Variants in INSC observed in about 807,000 individuals in gnomAD.
INSC encodes the protein protein inscuteable homolog.
Under a neutral mutation model 58.6 loss-of-function variants are expected in INSC, and 67 were observed. That is an observed-to-expected ratio of 1.14 (90% CI 0.94 to 1.40). The LOEUF is 1.40. Among genes scored for constraint, INSC ranks in the 40% most tolerant of loss-of-function variants. The pLI, the probability that INSC is intolerant of heterozygous loss-of-function variation, is 0.00. For missense variants in INSC, 714 were observed against 692.0 expected (o/e 1.03, Z -0.36); for synonymous variants, 262 against 276.1 (o/e 0.95, Z 0.51).
chr11:15,224,157 G>C (rs1851546148), intron 8 of INSC, among the ~76,000 whole-genome samples: 1 of 152,124 alleles, frequency 6.6e-6, no homozygotes, highest in South Asian at 2.1e-4. Flanking sequence ...ATTGTTGTAA[G>C]GATTAAATTA....
At chr11:15,223,886 G>A (rs1851536522) in intron 8 of INSC, among the ~76,000 whole-genome samples, 1 of 152,212 alleles carries the variant, frequency 6.6e-6, no homozygotes, top group African/African-American at 2.4e-5. Flanking sequence ...CTGGGCTGTG[G>A]GGAGCAACAT....
chr11:15,137,918 A>G (rs140838409), intron 1 of INSC, among the ~76,000 whole-genome samples: 47 of 152,204 alleles, frequency 3.1e-4, no homozygotes, highest in Non-Finnish European at 1.9e-4. Context: ...GGCTTTTGAC[A>G]TGCTGTCCTC....
intron 1 of INSC, 79 bp from the exon 2 acceptor site, chr11:15,149,051 G>A: frequency 6.9e-7 from 1 of 1,450,276 alleles, no homozygotes; most frequent in Non-Finnish European, 9.1e-7. Context: ...TTGGTTCCTT[G>A]TGGCCTGGGA....
chr11:15,155,930 G>A (rs970369701), intron 2 of INSC, among the ~76,000 whole-genome samples: 1 of 152,140 alleles, frequency 6.6e-6, no homozygotes, highest in Non-Finnish European at 1.5e-5. Flanking sequence ...TGGGAAAATT[G>A]TTCTCTTTGG....
At chr11:15,113,993 T>G (rs1252444876), upstream of INSC, among the ~76,000 whole-genome samples, 2 of 152,030 alleles carry the variant, frequency 1.3e-5, no homozygotes, top group Non-Finnish European at 2.9e-5. Context: ...AGGAGATCTT[T>G]CTGTCAGTAA....
rs747676220 is a variant in INSC at position 15,149,184 on chromosome 11, C to T, written c.10C>T (p.Leu4=). The change falls in exon 2 of 13, where the codon CTG becomes TTG. Residue 4 remains leucine (L), a synonymous_variant. Coordinates refer to ENST00000379556, the MANE Select transcript of INSC (RefSeq NM_001042536.3). The part of the protein sequence containing the change: MMA[L]PGGRHLDSVT... The stretch of plus-strand genomic sequence containing the variant: ...GCAGATTGGGATCAACATGATGGCA[C>T]TGCCTGGAGGTCGCCACCTGGACTC... 5 of 1,611,270 alleles carry T rather than the reference C, an allele frequency of 3.1e-6. No homozygotes were observed. The highest frequency in any genetic ancestry group is 4.2e-6 in the Non-Finnish European group (5 of 1,178,874).
intron 2 of INSC, among the ~76,000 whole-genome samples, chr11:15,162,829 G>A (rs1388569586): frequency 6.6e-6 from 1 of 152,204 alleles, no homozygotes; most frequent in East Asian, 1.9e-4. Flanking sequence ...AAAGTTCTAT[G>A]AGAGGGCAGT....
At chr11:15,133,212 G>T (rs1162074123) in intron 1 of INSC, among the ~76,000 whole-genome samples, 1 of 151,940 alleles carries the variant, frequency 6.6e-6, no homozygotes, top group Admixed American at 6.6e-5. Flanking sequence ...TTGTCTCTCT[G>T]GACTGCGTCT....
At chr11:15,238,396 A>G (rs904299139) in intron 10 of INSC, among the ~76,000 whole-genome samples, 2 of 152,206 alleles carry the variant, frequency 1.3e-5, no homozygotes, top group Non-Finnish European at 2.9e-5. Context: ...GACCTGTCTC[A>G]GAAGCAGCCA....
intron 2 of INSC, among the ~76,000 whole-genome samples, chr11:15,164,601 G>A (rs566840170): frequency 8.8e-4 from 134 of 152,304 alleles, no homozygotes; most frequent in African/African-American, 3.1e-3. Flanking sequence ...TTCAGCCACT[G>A]TTCTCAAATT....
chr11:15,115,195 G>C (rs1037657838), intron 1 of INSC, among the ~76,000 whole-genome samples, 192 bp downstream of exon 1: 2 of 152,228 alleles, frequency 1.3e-5, no homozygotes, highest in African/African-American at 2.4e-5. Flanking sequence ...GAATTTTCTA[G>C]CATGTGCCCC....
intron 1 of INSC, among the ~76,000 whole-genome samples, chr11:15,127,165 A>G (rs4757287): frequency 0.97 from 147,366 of 152,290 alleles, 71,503 homozygotes; most frequent in East Asian, 1. Flanking sequence ...AGCCTCAGAT[A>G]GGCACCTAGG....
At position 15,130,316 on chromosome 11, in the gene INSC, A is replaced by G. The variant is rs74878653; in HGVS notation, c.-46+15313A>G. On this transcript the variant is annotated intron_variant, in intron 1 of 12. Transcript: ENST00000379556. ...ATTTTATGAATAGCTGTTGAATTTT[A>G]TCAAATTATTATTCTTCATCTGTTG... is the stretch of plus-strand genomic sequence containing the variant. 1.0e-2 allele frequency among the ~76,000 whole-genome samples: 1,520 copies of G among 152,268 alleles called. 71 individuals carry two copies. The highest frequency in any genetic ancestry group is 0.016 in the East Asian group (84 of 5,186).
chr11:15,257,559 C>T, the INSC span, among the ~76,000 whole-genome samples: 1 of 152,102 alleles, frequency 6.6e-6, no homozygotes, highest in South Asian at 2.1e-4. Flanking sequence ...AACCACCCCC[C>T]CGCCTCAGTA....
chr11:15,194,322 C>G (rs1261270352), intron 6 of INSC, among the ~76,000 whole-genome samples: 2 of 152,166 alleles, frequency 1.3e-5, no homozygotes, highest in Non-Finnish European at 2.9e-5. Context: ...CAGGAAGATG[C>G]CCTGGCAACA....
intron 1 of INSC, among the ~76,000 whole-genome samples, chr11:15,128,740 C>T (rs1848057144): frequency 6.6e-6 from 1 of 152,148 alleles, no homozygotes; most frequent in Non-Finnish European, 1.5e-5. Flanking sequence ...TAGCCCTCAC[C>T]CACCTGGACC....
intron 1 of INSC, among the ~76,000 whole-genome samples, chr11:15,125,837 A>G (rs1847981241): frequency 6.6e-6 from 1 of 152,188 alleles, no homozygotes; most frequent in South Asian, 2.1e-4. Flanking sequence ...CTCAGGATGA[A>G]TGGTGTCAAC....
chr11:15,151,554 C>A (rs1316186627), intron 2 of INSC, among the ~76,000 whole-genome samples: 2 of 152,024 alleles, frequency 1.3e-5, no homozygotes, highest in Non-Finnish European at 2.9e-5. Context: ...CTGCTATGTC[C>A]CTGGCTGGTC....
At chr11:15,216,189 G>T (rs1009793616) in intron 7 of INSC, among the ~76,000 whole-genome samples, 2 of 152,182 alleles carry the variant, frequency 1.3e-5, no homozygotes, top group African/African-American at 2.4e-5. Context: ...CAGAGCAAAT[G>T]GTAAAAAGTG....
Sources: gnomAD v4.1 joint callset for allele counts (sites outside exome capture counted in the v4.1 genomes callset) on GRCh38, gnomAD v4.1.1 for gene constraint, MANE v1.5 for transcripts, NCBI Gene and HGNC (gene_info 2026-07-23, HGNC 2026-07-21) for gene names.